RAB27B: variants seen among roughly 807,000 people sequenced by gnomAD.
RAB27B encodes RAB27B, member RAS oncogene family, also known as ras-related protein Rab-27B.
RAB27B carries 15 observed loss-of-function variants against 24.6 expected under a neutral mutation model. The ratio of observed to expected loss-of-function variants is 0.61; its 90% confidence interval spans 0.41 to 0.94. RAB27B has a LOEUF of 0.94. Ranked by LOEUF, RAB27B falls within the 40% of genes least tolerant of loss-of-function variation. RAB27B has a pLI of 0.00. For synonymous variants in RAB27B, 105 were observed against 92.5 expected (o/e 1.14, Z -0.78); for missense variants, 261 against 266.8 (o/e 0.98, Z 0.15).
chr18:54,885,972 T>A (rs1182328550), intron 4 of RAB27B: 1 of 152,322 alleles, frequency 6.6e-6, no homozygotes, highest in Non-Finnish European at 1.5e-5. Flanking sequence ...GAGAACTCAC[T>A]ATCATGAGAA....
upstream of RAB27B, chr18:54,828,155 C>T (rs1341697927): frequency 6.6e-6 from 1 of 152,202 alleles, no homozygotes; most frequent in African/African-American, 2.4e-5. Flanking sequence ...TAATGAGACA[C>T]CCCCTCGGAG....
At chr18:54,847,832 A>G (rs553856588) in intron 1 of RAB27B, among the ~76,000 whole-genome samples, 7 of 145,394 alleles carry the variant, frequency 4.8e-5, no homozygotes, top group Admixed American at 2.9e-4. Flanking sequence ...CACATTTGGG[A>G]CTCGTTTAAA....
At chr18:54,799,833 G>T (rs904578796) in intron 2 of RAB27B, among the ~76,000 whole-genome samples, 3 of 151,876 alleles carry the variant, frequency 2.0e-5, no homozygotes, top group Non-Finnish European at 1.5e-5. Context: ...TTTCACCCGT[G>T]TTAGCCAGGA....
intron 1 of RAB27B, among the ~76,000 whole-genome samples, chr18:54,833,552 A>G (rs1037601756): frequency 9.9e-5 from 15 of 152,160 alleles, no homozygotes; most frequent in African/African-American, 3.4e-4. Context: ...TTCTACATGA[A>G]AGAAAATAGC....
At chr18:54,851,574 T>C (rs1400847845) in intron 1 of RAB27B, among the ~76,000 whole-genome samples, 1 of 152,262 alleles carries the variant, frequency 6.6e-6, no homozygotes, top group African/African-American at 2.4e-5. Flanking sequence ...AATTAATTGG[T>C]GTTTCATCTG....
chr18:54,865,814 A>C (rs912442550), intron 1 of RAB27B, among the ~76,000 whole-genome samples: 2 of 152,240 alleles, frequency 1.3e-5, no homozygotes, highest in African/African-American at 4.8e-5. Flanking sequence ...CTTCAACTAT[A>C]GGCCAGTTCA....
At position 54,890,773 on chromosome 18, in the gene RAB27B, A is replaced by G. The variant is rs1913335566; in HGVS notation, c.*1360A>G. On this transcript the variant is annotated 3_prime_UTR_variant, in exon 6 of 6. Coordinates refer to ENST00000262094, the MANE Select transcript of RAB27B (RefSeq NM_004163.4). The stretch of plus-strand genomic sequence containing the variant: ...AGGAAGGACTTCTGATCTTATCTCA[A>G]CAAAAAACTGGCCAGTATTTTTGTT... 6.6e-6 allele frequency: 1 copy of G among 152,084 alleles called. No homozygotes were observed. The highest frequency in any genetic ancestry group is 1.5e-5 in the Non-Finnish European group (1 of 68,000). The allele number at this position is 152,084 out of a possible 1,614,324, so 9.4% of individuals were successfully genotyped here. A position where few individuals can be genotyped will look rare whatever the true frequency, so the allele number is the denominator to read the frequency against.
chr18:54,864,636 T>C (rs1807635074), intron 1 of RAB27B, among the ~76,000 whole-genome samples: 1 of 152,172 alleles, frequency 6.6e-6, no homozygotes, highest in African/African-American at 2.4e-5. Flanking sequence ...AATTTTTCTA[T>C]AAAAGCTTCT....
chr18:54,760,674 A>C (rs904573160), intron 2 of RAB27B, among the ~76,000 whole-genome samples: 1 of 152,156 alleles, frequency 6.6e-6, no homozygotes, highest in Admixed American at 6.6e-5. Context: ...GCTACAGGGT[A>C]ACGTAACACA....
At chr18:54,734,602 G>A (rs1439223611) in intron 2 of RAB27B, among the ~76,000 whole-genome samples, 1 of 152,124 alleles carries the variant, frequency 6.6e-6, no homozygotes, top group African/African-American at 2.4e-5. Context: ...GGAAGGCACT[G>A]AAGAATCTCC....
At chr18:54,763,819 T>C (rs542530556) in intron 2 of RAB27B, among the ~76,000 whole-genome samples, 1 of 152,284 alleles carries the variant, frequency 6.6e-6, no homozygotes, top group African/African-American at 2.4e-5. Context: ...CTCCAGCAAG[T>C]GTCTGGTCTC....
chr18:54,787,061 G>A (rs181686955), intron 2 of RAB27B, among the ~76,000 whole-genome samples: 1 of 152,312 alleles, frequency 6.6e-6, no homozygotes, highest in African/African-American at 2.4e-5. Context: ...ATTCTGAATA[G>A]TGAAGCTCGG....
chr18:54,779,873 G>T (rs2145087903), intron 2 of RAB27B, among the ~76,000 whole-genome samples: 1 of 152,174 alleles, frequency 6.6e-6, no homozygotes, highest in Non-Finnish European at 1.5e-5. Context: ...TCTCCCCTTG[G>T]CTGTCCCCTC....
intron 1 of RAB27B, among the ~76,000 whole-genome samples, chr18:54,873,341 T>C (rs1419535075): frequency 6.6e-6 from 1 of 152,220 alleles, no homozygotes; most frequent in African/African-American, 2.4e-5. Flanking sequence ...AAAGTCCTCC[T>C]GGTTCTTGTG....
intron 2 of RAB27B, among the ~76,000 whole-genome samples, chr18:54,730,109 T>C (rs1909681685): frequency 6.6e-6 from 1 of 152,222 alleles, no homozygotes; most frequent in Non-Finnish European, 1.5e-5. Context: ...TATATATTCA[T>C]AATTCTAATT....
intron 2 of RAB27B, among the ~76,000 whole-genome samples, chr18:54,718,380 G>A (rs748220259): frequency 6.6e-6 from 1 of 152,156 alleles, no homozygotes; most frequent in Non-Finnish European, 1.5e-5. Flanking sequence ...TTGCAACTGA[G>A]TTTGAATGGG....
chr18:54,856,786 C>T (rs1911801548), intron 1 of RAB27B, among the ~76,000 whole-genome samples: 3 of 152,308 alleles, frequency 2.0e-5, no homozygotes, highest in Non-Finnish European at 4.4e-5. Flanking sequence ...TGCATATTAG[C>T]ACCTGATAAA....
Position 54,726,200 on chromosome 18 carries a change from C to T in RAB27B, c.-20+8059C>T, listed in dbSNP as rs984486099. On this transcript the variant is annotated intron_variant, in intron 2 of 4. Transcript: ENST00000586570. ...TCTTTCCCCCAAGTTACTCAATAGC[C>T]TATCGTATTTTAAATAAAAACTCAA... Among the ~76,000 whole-genome samples, 34 of 151,424 alleles carry T rather than the reference C, an allele frequency of 2.2e-4. 1 individual carries two copies. The highest frequency in any genetic ancestry group is 4.1e-4 in the Non-Finnish European group (28 of 67,748).
At chr18:54,747,672 A>C (rs1380735212) in intron 2 of RAB27B, among the ~76,000 whole-genome samples, 1 of 152,188 alleles carries the variant, frequency 6.6e-6, no homozygotes, top group East Asian at 1.9e-4. Context: ...TTTGCTTCTC[A>C]TACTTTGCCT....
Sources: allele counts gnomAD v4.1 joint callset (sites outside exome capture counted in the v4.1 genomes callset), GRCh38; gene constraint gnomAD v4.1.1; transcripts MANE v1.5; gene names NCBI Gene and HGNC (gene_info 2026-07-23, HGNC 2026-07-21).